The following BAZ2B variants were observed in gnomAD, a reference collection of about 807,000 sequenced individuals.
BAZ2B encodes bromodomain adjacent to zinc finger domain 2B, also known as bromodomain adjacent to zinc finger domain protein 2B.
In BAZ2B, 91 loss-of-function variants were observed where a neutral mutation model predicts 246.0. That is an observed-to-expected ratio of 0.37 (90% CI 0.31 to 0.44). The LOEUF (loss-of-function observed/expected upper bound fraction) is 0.44, where lower values mean the gene tolerates loss of function less well. Ranked by LOEUF, BAZ2B falls within the 20% of genes least tolerant of loss-of-function variation. The pLI is 1.00. For synonymous variants in BAZ2B, 855 were observed against 860.0 expected (o/e 0.99, Z 0.10); for missense variants, 2,332 against 2,533.7 (o/e 0.92, Z 1.71).
the BAZ2B span, chr2:159,689,609 A>T: frequency 4.2e-6 from 1 of 240,804 alleles, no homozygotes; most frequent in African/African-American, 2.4e-5. Flanking sequence ...CCTGACCTCA[A>T]ATTATCCGCC....
chr2:159,705,226 T>C, the BAZ2B span, among the ~76,000 whole-genome samples: 1 of 151,724 alleles, frequency 6.6e-6, no homozygotes, highest in Non-Finnish European at 1.5e-5. Flanking sequence ...CTCACTATGT[T>C]GCCCAGGCTG....
chr2:159,660,980 A>G, the BAZ2B span, among the ~76,000 whole-genome samples: 1 of 152,322 alleles, frequency 6.6e-6, no homozygotes, highest in Admixed American at 6.5e-5. Flanking sequence ...CTACAATTTG[A>G]TAAATTTTGA....
At chr2:159,360,049 A>G (rs2149271974) in intron 27 of BAZ2B, among the ~76,000 whole-genome samples, 1 of 152,348 alleles carries the variant, frequency 6.6e-6, no homozygotes, top group East Asian at 1.9e-4. Flanking sequence ...CTGGCACAAG[A>G]CAAGGATGCC....
At chr2:159,471,620 TATACTGCTTTTTTTAGGATGGGTG>T (rs1220938100) in intron 3 of BAZ2B, among the ~76,000 whole-genome samples, 1 of 152,114 alleles carries the variant, frequency 6.6e-6, no homozygotes, top group Non-Finnish European at 1.5e-5. Context: ...GTGTTTTGTA[TATACTGCTTTTTTTAGGATGGGTG>T]ATACTAAGAG....
intron 14 of BAZ2B, among the ~76,000 whole-genome samples, chr2:159,405,785 TTGTAA>T (rs1395501103): frequency 1.3e-5 from 2 of 152,130 alleles, no homozygotes; most frequent in Non-Finnish European, 2.9e-5. Context: ...ATTTTAAGAC[TTGTAA>T]TGTAGCTTCA....
chr2:159,349,776 G>A lies in BAZ2B; in HGVS notation c.4795C>T (p.Pro1599Ser). ...TGAGCAGAAGATCCAAGAGGAGCTG[G>A]GGTAGGTGAAGGTGACTTAGATGGT... The part of the protein sequence containing the change: ...QPPSKSPSPT[P>S]APLGSSAQNP... Residue 1599 changes from proline to serine, a missense_variant, in exon 28 of 37, where the codon CCA (proline) becomes TCA (serine). Pro to Ser is a moderately conservative substitution (Grantham distance 74). Transcript: ENST00000392783. 6.2e-7 allele frequency: 1 copy of A among 1,614,138 alleles called. No individual in the cohort carries two copies. Among genetic ancestry groups the A allele is most frequent in the Non-Finnish European group, 8.5e-7 (1 of 1,180,004 alleles).
At chr2:159,637,399 G>A in the BAZ2B span, among the ~76,000 whole-genome samples, 1 of 152,192 alleles carries the variant, frequency 6.6e-6, no homozygotes, top group Non-Finnish European at 1.5e-5. Context: ...CTGAACATCA[G>A]CTGTGGCCTG....
chr2:159,414,702 A>G (rs2149954508), intron 13 of BAZ2B, among the ~76,000 whole-genome samples: 1 of 152,004 alleles, frequency 6.6e-6, no homozygotes, highest in Middle Eastern at 3.4e-3. Flanking sequence ...CTGTAGTGCT[A>G]GCTACTTGGG....
intron 35 of BAZ2B, 140 bp from the exon 36 acceptor site, chr2:159,325,094 A>ATATATATATATATATAT (rs2063416155): frequency 3.6e-4 from 1 of 2,788 alleles, no homozygotes; most frequent in African/African-American, 1.2e-3. Context: ...TATATATATT[A>ATATATATATATATATAT]TATATATATA....
At chr2:159,566,363 G>T (rs1385543946) in intron 1 of BAZ2B, among the ~76,000 whole-genome samples, 1 of 152,154 alleles carries the variant, frequency 6.6e-6, no homozygotes, top group African/African-American at 2.4e-5. Context: ...CTATATACAT[G>T]CAGTTGCATA....
At chr2:159,487,296 G>T (rs2079947278) in intron 2 of BAZ2B, among the ~76,000 whole-genome samples, 2 of 152,112 alleles carry the variant, frequency 1.3e-5, no homozygotes, top group Admixed American at 1.3e-4. Context: ...CCAACTACTT[G>T]TGTCAAGGAT....
intron 24 of BAZ2B, among the ~76,000 whole-genome samples, chr2:159,383,050 AAG>A (rs1183552271): frequency 1.3e-5 from 2 of 152,086 alleles, no homozygotes; most frequent in Non-Finnish European, 2.9e-5. Context: ...AAAATGATGA[AAG>A]TTGAAAAGAA....
rs754804043 is a variant in BAZ2B at position 159,325,716 on chromosome 2, T to A, written c.6146A>T (p.Gln2049Leu). 4.4e-6 allele frequency: 7 copies of A among 1,595,832 alleles called. No homozygotes were observed. In the African/African-American group the frequency reaches 9.5e-5, roughly 22 times the overall value. ...EENTSINLSK[Q>L]ESFTSVKKPK... ...TTTCTTAACTGAAGTAAAACTTTCT[T>A]GTTTTGACAAGTTAATAGAAGTGTT... Residue 2049 changes from glutamine to leucine, a missense_variant, in exon 35 of 37, where the codon CAA (glutamine) becomes CTA (leucine). Around this residue, in one of 9 missense-constraint regions of BAZ2B, gnomAD observed 210 missense variants for 232.5 expected, o/e 0.90. Transcript: ENST00000392783.
the BAZ2B span, chr2:159,690,311 C>A: frequency 4.0e-6 from 1 of 250,950 alleles, no homozygotes; most frequent in South Asian, 5.0e-5. Flanking sequence ...TCATTCTCGC[C>A]AACTGCCGTG....
intron 1 of BAZ2B, among the ~76,000 whole-genome samples, chr2:159,569,432 A>G (rs948746463): frequency 6.6e-6 from 1 of 152,186 alleles, no homozygotes; most frequent in African/African-American, 2.4e-5. Context: ...AAAATAAGAA[A>G]CAAATTTAAT....
intron 31 of BAZ2B, among the ~76,000 whole-genome samples, chr2:159,343,422 C>T (rs184210081): frequency 1.6e-4 from 25 of 152,212 alleles, no homozygotes; most frequent in Admixed American, 3.9e-4. Context: ...GAAAAAACTT[C>T]TGTACAGCAA....
intron 2 of BAZ2B, among the ~76,000 whole-genome samples, chr2:159,485,225 T>C (rs2079684313): frequency 6.6e-6 from 1 of 152,066 alleles, no homozygotes; most frequent in Non-Finnish European, 1.5e-5. Flanking sequence ...CTTCAAGATA[T>C]TAAATAGCAA....
At chr2:159,645,189 T>C in the BAZ2B span, among the ~76,000 whole-genome samples, 3 of 152,120 alleles carry the variant, frequency 2.0e-5, no homozygotes, top group African/African-American at 7.2e-5. Context: ...TGAGGATCAC[T>C]TGGGCCTGGG....
intron 16 of BAZ2B, among the ~76,000 whole-genome samples, chr2:159,400,925 T>C (rs1321807095): frequency 6.6e-6 from 1 of 151,920 alleles, no homozygotes; most frequent in Non-Finnish European, 1.5e-5. Flanking sequence ...GCACCTGTAG[T>C]CCCAACTACT....
Sources: gnomAD v4.1 joint callset for allele counts (sites outside exome capture counted in the v4.1 genomes callset) on GRCh38, gnomAD v4.1.1 for gene constraint, gnomAD v4.1.1 regional missense constraint, MANE v1.5 for transcripts, NCBI Gene and HGNC (gene_info 2026-07-23, HGNC 2026-07-21) for gene names.